The following ITGAE variants were observed in gnomAD, a reference collection of about 807,000 sequenced individuals.
ITGAE encodes integrin subunit alpha E, also known as integrin alpha-E.
ITGAE carries 99 observed loss-of-function variants against 136.5 expected under a neutral mutation model. The observed-to-expected ratio is 0.73, with a 90% confidence interval of 0.62 to 0.86. The LOEUF is 0.86. Ranked by LOEUF, ITGAE falls within the 40% of genes least tolerant of loss-of-function variation. The pLI, the probability that ITGAE is intolerant of heterozygous loss-of-function variation, is 0.00. For missense variants in ITGAE, 1,447 were observed against 1,515.3 expected (o/e 0.95, Z 0.75); for synonymous variants, 613 against 591.8 (o/e 1.04, Z -0.52).
chr17:3,766,666 G>A (rs2052304717), intron 2 of ITGAE, among the ~76,000 whole-genome samples: 1 of 152,112 alleles, frequency 6.6e-6, no homozygotes, highest in East Asian at 1.9e-4. Context: ...GCTGGGCATA[G>A]TGGTGAAAGC....
chr17:3,799,141 A>G lies in ITGAE; in HGVS notation c.34+1970T>C, dbSNP rs889293004. 1.3e-5 allele frequency among the ~76,000 whole-genome samples: 2 copies of G among 151,788 alleles called. No homozygotes were observed. Among genetic ancestry groups the G allele is most frequent in the Admixed American group, 6.6e-5 (1 of 15,238 alleles). On this transcript the variant is annotated intron_variant, in intron 1 of 30. Transcript: ENST00000263087. The surrounding 1 kb of genome is among the most constrained non-coding windows in gnomAD (Gnocchi z 4.1). ...TTCTTCCTCCCAGCATCTCCTGGAC[A>G]TTTTCTTTCTCAGACTCTCCTCAGC...
chr17:3,800,418 G>C (rs866262855), intron 1 of ITGAE, among the ~76,000 whole-genome samples: 3 of 152,172 alleles, frequency 2.0e-5, no homozygotes, highest in Admixed American at 2.0e-4. Flanking sequence ...CCTGGCCTCC[G>C]GCTTAATCTT....
At chr17:3,783,996 C>T (rs2052721675) in intron 1 of ITGAE, among the ~76,000 whole-genome samples, 1 of 152,248 alleles carries the variant, frequency 6.6e-6, no homozygotes, top group South Asian at 2.1e-4. Context: ...CGCGGCGGCT[C>T]ACGCCTGTAA....
chr17:3,760,928 C>G, intron 6 of ITGAE, 85 bp downstream of exon 6: 1 of 1,509,728 alleles, frequency 6.6e-7, no homozygotes, highest in South Asian at 1.3e-5. Flanking sequence ...ATCTCTCAGA[C>G]TGAGGCACCC....
intron 1 of ITGAE, among the ~76,000 whole-genome samples, chr17:3,788,294 CT>C (rs779127027): frequency 2.7e-5 from 4 of 145,874 alleles, no homozygotes; most frequent in Admixed American, 6.9e-5. Flanking sequence ...TGTTTTCTTT[CT>C]TTTTTGCTTT....
At position 3,773,252 on chromosome 17, in the gene ITGAE, G is replaced by A. The variant is rs944701453; in HGVS notation, c.155+4288C>T. Among the ~76,000 whole-genome samples the A allele has an allele frequency of 5.9e-5, 9 of 152,254 alleles. 1 individual carries two copies. The highest frequency in any genetic ancestry group is 2.2e-4 in the African/African-American group (9 of 41,556). On this transcript the variant is annotated intron_variant, in intron 2 of 30. Transcript: ENST00000263087. ...CACGCCTGTAATCCCAGCACTTTGA[G>A]AGGCCGAGGCGGGCGGATCACGAGG...
At chr17:3,801,088 A>G in intron 1 of ITGAE, 23 bp downstream of exon 1, 1 of 1,612,970 alleles carries the variant, frequency 6.2e-7, no homozygotes, top group Non-Finnish European at 8.5e-7. Context: ...CAGCCCCTCG[A>G]AGCAGCGGGT....
rs539559261 is a variant in ITGAE, at chr17:3,735,191, G to T, written c.2523-242C>A. 2.0e-5 allele frequency among the ~76,000 whole-genome samples: 3 copies of T among 152,206 alleles called. No individual in the cohort carries two copies. In the East Asian group the frequency reaches 5.8e-4, roughly 29 times the overall value. ...TTCTTATTTTTATTTTTTTGAGACG[G>T]AGTTTCGTTCTTGTTGCCCAGGCTG... On this transcript the variant is annotated intron_variant, in intron 20 of 30. Transcript: ENST00000263087.
At position 3,759,467 on chromosome 17, in the gene ITGAE, G is replaced by A. The variant is rs371749840; in HGVS notation, c.801C>T (p.Ala267=). 1.6e-5 allele frequency: 26 copies of A among 1,614,038 alleles called. No individual in the cohort carries two copies. In the African/African-American group the frequency reaches 3.1e-4, roughly 19 times the overall value. The stretch of plus-strand genomic sequence containing the variant: ...CCACTTGAGTGATGTTCTGGACTCT[G>A]GCGAGGGAGGCCATCACATCCTGGC... ...RDSQDVMASL[A]RVQNITQVGS... Residue 267 remains alanine, a synonymous_variant, in exon 8 of 31, where the codon GCC becomes GCT. Coordinates refer to ENST00000263087, the MANE Select transcript of ITGAE (RefSeq NM_002208.5).
At chr17:3,761,695 C>T (rs1442351278) in intron 4 of ITGAE, among the ~76,000 whole-genome samples, 175 bp from the exon 5 acceptor site, 1 of 152,174 alleles carries the variant, frequency 6.6e-6, no homozygotes, top group East Asian at 1.9e-4. Flanking sequence ...AGGCCGAGGC[C>T]GACACCTGCA....
At chr17:3,761,377 A>G in intron 5 of ITGAE, 26 bp downstream of exon 5, 3 of 1,597,656 alleles carry the variant, frequency 1.9e-6, no homozygotes, top group Non-Finnish European at 1.7e-6. Context: ...AGAGCTATCC[A>G]AGGCCAGTGA....
intron 29 of ITGAE, chr17:3,717,272 C>T (rs1020227465): frequency 6.4e-6 from 1 of 156,002 alleles, no homozygotes; most frequent in African/African-American, 2.4e-5. Context: ...TCCCTAAAGG[C>T]TTTGGTAATA....
intron 28 of ITGAE, 36 bp from the exon 29 acceptor site, chr17:3,720,438 A>G (rs375010723): frequency 1.0e-6 from 1 of 959,640 alleles, no homozygotes; most frequent in African/African-American, 1.6e-5. Flanking sequence ...GAAACAAAAC[A>G]TATTTTAGAC....
chr17:3,792,217 G>C (rs1272283815), intron 1 of ITGAE, among the ~76,000 whole-genome samples: 2 of 152,238 alleles, frequency 1.3e-5, no homozygotes, highest in African/African-American at 4.8e-5. Flanking sequence ...TGCCTCCCGG[G>C]TTCAAGCGAT....
At chr17:3,733,395 G>A (rs1243986142) in intron 21 of ITGAE, among the ~76,000 whole-genome samples, 1 of 152,170 alleles carries the variant, frequency 6.6e-6, no homozygotes, top group African/African-American at 2.4e-5. Flanking sequence ...TCACTGCAAT[G>A]AGGAAAACTA....
At chr17:3,771,435 C>A (rs938030319) in intron 2 of ITGAE, among the ~76,000 whole-genome samples, 4 of 152,006 alleles carry the variant, frequency 2.6e-5, no homozygotes, top group South Asian at 2.1e-4. Flanking sequence ...GGGGCCTAGG[C>A]GCCGCAGCTC....
At chr17:3,780,305 T>G (rs1354793524) in intron 1 of ITGAE, among the ~76,000 whole-genome samples, 2 of 151,888 alleles carry the variant, frequency 1.3e-5, no homozygotes, top group African/African-American at 4.8e-5. Flanking sequence ...TGAGTAGCTG[T>G]GACTACAGGC....
rs1199603110 is a variant in ITGAE at position 3,724,115 on chromosome 17, C to CGACGATCCT, written c.3085-380_3085-372dup. On this transcript the variant is annotated intron_variant, in intron 26 of 30. Transcript: ENST00000263087. Reference sequence around the variant, plus strand: ...CCAGCATCGGCGACCCCTCGCAGTCCGACGATCCTGACGATCCCGACGACC... The same window carrying CGACGATCCT: ...CCAGCATCGGCGACCCCTCGCAGTCCGACGATCCTGACGATCCTGACGATCCCGACGACC... The CGACGATCCT allele has an allele frequency of 2.5e-6, 4 of 1,594,656 alleles. No homozygotes were observed. In the South Asian group the frequency reaches 3.3e-5, roughly 13 times the overall value.
intron 1 of ITGAE, among the ~76,000 whole-genome samples, chr17:3,797,996 AC>A (rs1363559057): frequency 1.3e-5 from 2 of 152,012 alleles, no homozygotes; most frequent in Non-Finnish European, 2.9e-5. Flanking sequence ...TCAGGTCCCC[AC>A]GTTCCTCACC....
Sources: gnomAD v4.1 joint callset for allele counts (sites outside exome capture counted in the v4.1 genomes callset) on GRCh38, gnomAD v4.1.1 for gene constraint, Gnocchi (gnomAD v3.1) non-coding constraint, MANE v1.5 for transcripts, NCBI Gene and HGNC (gene_info 2026-07-23, HGNC 2026-07-21) for gene names.